Variants in TANK observed in about 807,000 individuals in gnomAD.
TANK encodes the protein TRAF family member associated NFKB activator, also known as TRAF family member-associated NF-kappa-B activator.
A neutral mutation model predicts 43.6 loss-of-function variants in TANK; 15 were observed. The ratio of observed to expected loss-of-function variants is 0.34; its 90% CI spans 0.23 to 0.53. The LOEUF (loss-of-function observed/expected upper bound fraction) is 0.53. Ranked by LOEUF, TANK falls within the 20% of genes least tolerant of loss-of-function variation. The pLI is 0.94. For synonymous variants in TANK, 162 were observed against 178.2 expected (o/e 0.91, Z 0.73); for missense variants, 417 against 498.6 (o/e 0.84, Z 1.56).
At chr2:161,209,018 ATACT>A (rs1030635417) in intron 4 of TANK, among the ~76,000 whole-genome samples, 5 of 152,230 alleles carry the variant, frequency 3.3e-5, no homozygotes, top group African/African-American at 9.7e-5. Context: ...AAGGGGGCTG[ATACT>A]TAATTTACCT....
chr2:161,208,233 T>C (rs528935630), intron 4 of TANK: 16 of 985,140 alleles, frequency 1.6e-5, no homozygotes, highest in Non-Finnish European at 1.9e-5. Context: ...AAGAGGGATA[T>C]TTGAAGGGGA....
chr2:161,191,944 C>G (rs374507905), intron 2 of TANK, among the ~76,000 whole-genome samples: 1 of 151,988 alleles, frequency 6.6e-6, no homozygotes, highest in Non-Finnish European at 1.5e-5. Flanking sequence ...CCCACCACCA[C>G]GCCCAGCTAA....
At chr2:161,202,861 A>C in intron 2 of TANK, 1 of 468,378 alleles carries the variant, frequency 2.1e-6, no homozygotes, top group Non-Finnish European at 4.4e-6. Context: ...TTATTCTCAC[A>C]GTCACTGCAA....
intron 4 of TANK, among the ~76,000 whole-genome samples, chr2:161,221,014 C>G (rs201539184): frequency 6.6e-6 from 1 of 152,136 alleles, no homozygotes; most frequent in Non-Finnish European, 1.5e-5. Flanking sequence ...AATTGACTTA[C>G]ACTAAATCAA....
At chr2:161,141,061 A>G (rs776894156) in intron 1 of TANK, among the ~76,000 whole-genome samples, 9 of 152,160 alleles carry the variant, frequency 5.9e-5, no homozygotes, top group Non-Finnish European at 8.8e-5. Context: ...TTTAAAATTG[A>G]GGTGAAATTC....
At chr2:161,194,361 C>T (rs868521315) in intron 2 of TANK, among the ~76,000 whole-genome samples, 1 of 152,026 alleles carries the variant, frequency 6.6e-6, no homozygotes, top group Non-Finnish European at 1.5e-5. Context: ...CAAAGTCTTA[C>T]ATAGAAAGGA....
intron 1 of TANK, among the ~76,000 whole-genome samples, chr2:161,164,346 T>A (rs770825287): frequency 6.6e-6 from 1 of 152,190 alleles, no homozygotes; most frequent in Non-Finnish European, 1.5e-5. Flanking sequence ...AAGCCTAGTT[T>A]TAGTTTCTAT....
At chr2:161,183,878 AAT>A (rs1159904997) in intron 2 of TANK, among the ~76,000 whole-genome samples, 2 of 152,126 alleles carry the variant, frequency 1.3e-5, no homozygotes, top group East Asian at 3.9e-4. Context: ...TCATAAATAA[AAT>A]AGATATTTTA....
intron 2 of TANK, among the ~76,000 whole-genome samples, chr2:161,195,608 G>A (rs927818689): frequency 6.6e-6 from 1 of 152,088 alleles, no homozygotes; most frequent in South Asian, 2.1e-4. Flanking sequence ...TTCTAGGAGC[G>A]TAAGGAGCCA....
intron 1 of TANK, among the ~76,000 whole-genome samples, chr2:161,143,969 T>G (rs1258470791): frequency 6.6e-6 from 1 of 152,206 alleles, no homozygotes; most frequent in East Asian, 1.9e-4. Flanking sequence ...GGTAGGGTAT[T>G]AATTACTGCC....
At chr2:161,154,305 C>G (rs1684161381) in intron 1 of TANK, among the ~76,000 whole-genome samples, 1 of 152,136 alleles carries the variant, frequency 6.6e-6, no homozygotes, top group South Asian at 2.1e-4. Context: ...AAAGAGTGAT[C>G]ACTTAAGGTA....
chr2:161,161,618 C>T, intron 1 of TANK: 1 of 771,426 alleles, frequency 1.3e-6, no homozygotes, highest in East Asian at 2.8e-5. Context: ...TGAGATTATG[C>T]ATACTGTTCG....
chr2:161,173,086 G>T (rs958987223), intron 1 of TANK, among the ~76,000 whole-genome samples: 35 of 152,056 alleles, frequency 2.3e-4, no homozygotes, highest in Admixed American at 1.7e-3. Flanking sequence ...CTATAGTCTA[G>T]CCATAACTGA....
At chr2:161,224,849 C>T in intron 6 of TANK, 103 bp downstream of exon 6, 1 of 633,946 alleles carries the variant, frequency 1.6e-6, no homozygotes. Flanking sequence ...TGTGTAGCAT[C>T]TGTAATTTAC....
At chr2:161,175,242 G>A (rs1685125821) in intron 1 of TANK, among the ~76,000 whole-genome samples, 1 of 152,164 alleles carries the variant, frequency 6.6e-6, no homozygotes, top group South Asian at 2.1e-4. Context: ...TATCAAATAA[G>A]CATATTGACC....
At chr2:161,233,006 AAAAC>A (rs1400920736) in intron 7 of TANK, 12 of 764,974 alleles carry the variant, frequency 1.6e-5, no homozygotes, top group Non-Finnish European at 2.4e-5. Context: ...TTTTTTAAAA[AAAAC>A]CTTTTAAGCT....
intron 1 of TANK, among the ~76,000 whole-genome samples, chr2:161,178,223 G>C (rs891854381): frequency 6.6e-5 from 10 of 152,064 alleles, no homozygotes; most frequent in Non-Finnish European, 4.4e-5. Flanking sequence ...GTGCACAGTA[G>C]CTTTATTCAT....
chr2:161,164,969 C>T (rs1303680982), intron 1 of TANK, among the ~76,000 whole-genome samples: 1 of 150,622 alleles, frequency 6.6e-6, no homozygotes, highest in Non-Finnish European at 1.5e-5. Flanking sequence ...TGGTAATTAT[C>T]AGTAGTAAGT....
At chr2:161,221,662 CTT>C (rs75309944) in intron 4 of TANK, among the ~76,000 whole-genome samples, 13 of 140,784 alleles carry the variant, frequency 9.2e-5, no homozygotes, top group Admixed American at 7.1e-5. Flanking sequence ...AAACCGTTTA[CTT>C]TTTTTTTTTT....
Sources: allele counts gnomAD v4.1 joint callset (sites outside exome capture counted in the v4.1 genomes callset), GRCh38; gene constraint gnomAD v4.1.1; transcripts MANE v1.5; gene names NCBI Gene and HGNC (gene_info 2026-07-23, HGNC 2026-07-21).